RDH13: variants seen among roughly 807,000 people sequenced by gnomAD.
RDH13 encodes retinol dehydrogenase 13 (all-trans and 9-cis).
A neutral mutation model predicts 28.3 loss-of-function variants in RDH13; 35 were observed. The observed-to-expected ratio is 1.24, with a 90% CI of 0.95 to 1.64. The LOEUF (loss-of-function observed/expected upper bound fraction) is 1.64. RDH13 is among the 40% of genes most tolerant of loss of function. The probability of loss-of-function intolerance (pLI) is 0.00; values close to 1 mark genes in which losing one functional copy is unlikely to be tolerated. For missense variants in RDH13, 514 were observed against 446.3 expected, an observed-to-expected ratio of 1.15 and a Z score of -1.37; for synonymous variants, 229 against 198.5, an observed-to-expected ratio of 1.15 and a Z score of -1.29.
intron 1 of RDH13, among the ~76,000 whole-genome samples, chr19:55,068,165 T>C (rs888860423): frequency 3.0e-5 from 4 of 133,844 alleles, no homozygotes. Flanking sequence ...CTTCCTCTTT[T>C]CCTTTGTCTC....
rs529795694 is a variant in RDH13, at chr19:55,061,713, G to GC, written c.65+1254dup. Among the ~76,000 whole-genome samples, 36 of 151,702 alleles carry GC rather than the reference G, an allele frequency of 2.4e-4. No individual in the cohort carries two copies. In the South Asian group the frequency reaches 7.5e-3, roughly 32 times the overall value. Reference sequence around the variant, plus strand: ...AGGCTGAAGTGGGAGGACCACCTGAGCCCAGGGAGGGTGAGGCTGCAGTGA... The same window carrying GC: ...AGGCTGAAGTGGGAGGACCACCTGAGCCCCAGGGAGGGTGAGGCTGCAGTGA... On this transcript the variant is annotated intron_variant, in intron 1 of 6. Coordinates refer to ENST00000415061, the MANE Select transcript of RDH13 (RefSeq NM_001145971.2).
intron 2 of RDH13, among the ~76,000 whole-genome samples, chr19:55,057,135 T>C (rs1684182986): frequency 6.6e-6 from 1 of 152,100 alleles, no homozygotes; most frequent in South Asian, 2.1e-4. Context: ...ACAATCCCAT[T>C]TACATGAATT....
In RDH13 at chr19:55,047,406, G is replaced by A; in HGVS notation, c.741C>T (p.Thr247=). 6.2e-7 allele frequency: 1 copy of A among 1,612,052 alleles called. No homozygotes were observed. Among genetic ancestry groups the A allele is most frequent in the South Asian group, 1.1e-5 (1 of 91,002 alleles). Residue 247 remains threonine (T), a synonymous_variant, in exon 6 of 7, where the codon ACC becomes ACT. Coordinates refer to ENST00000415061, the MANE Select transcript of RDH13 (RefSeq NM_001145971.2). Reference sequence around the variant, plus strand: ...ACTCACCGAGTGTGGTGCTGGAGAAGGTGGAGCCATGGATGCCCGTGTGTC... The same window carrying A: ...ACTCACCGAGTGTGGTGCTGGAGAAAGTGGAGCCATGGATGCCCGTGTGTC... ...LGRHTGIHGS[T]FSSTTLGPIF... is the part of the protein sequence containing the mutation.
chr19:55,047,859 A>G (rs548212595), intron 5 of RDH13: 16 of 475,020 alleles, frequency 3.4e-5, no homozygotes, highest in African/African-American at 7.8e-5. Context: ...AGATTTCTCA[A>G]TCTCAGCACT....
intron 3 of RDH13, among the ~76,000 whole-genome samples, chr19:55,052,037 T>C (rs954830050): frequency 1.7e-4 from 26 of 151,002 alleles, no homozygotes; most frequent in African/African-American, 5.3e-4. Context: ...TGGCCTGTTG[T>C]TTTGTTTATC....
At chr19:55,059,319 C>A in intron 1 of RDH13, 44 bp from the exon 2 acceptor site, 1 of 1,306,820 alleles carries the variant, frequency 7.7e-7, no homozygotes, top group African/African-American at 1.5e-5. Context: ...GGCCCACTCT[C>A]ACCCCACGTG....
At chr19:55,040,145 G>A (rs1002009179), downstream of RDH13, among the ~76,000 whole-genome samples, 19 of 152,158 alleles carry the variant, frequency 1.2e-4, no homozygotes, top group African/African-American at 4.6e-4. Context: ...TATATTTAAT[G>A]CCATTGACTG....
intron 3 of RDH13, among the ~76,000 whole-genome samples, chr19:55,049,266 C>T (rs1046006429): frequency 2.0e-5 from 3 of 152,242 alleles, no homozygotes; most frequent in South Asian, 2.1e-4. Flanking sequence ...TCCTTCCTGC[C>T]GGAGCCCCGA....
In RDH13 at chr19:55,059,190, C is replaced by T. The variant is rs781132193; in HGVS notation, c.151G>A (p.Gly51Arg). Residue 51 changes from glycine to arginine, a missense_variant, in exon 2 of 7, where the codon GGG becomes AGG. Gly to Arg is a moderately radical substitution (Grantham distance 125). Coordinates refer to ENST00000415061, the MANE Select transcript of RDH13 (RefSeq NM_001145971.2). ...VIVTGANTGI[G>R]KQTALELARR... is the part of the protein sequence containing the mutation. ...GCCAGTTCCAAGGCGGTCTGCTTCC[C>T]GATGCCTGTGTTGGCACCCGTCACG... 27 of 1,601,924 alleles carry T rather than the reference C, an allele frequency of 1.7e-5. No homozygotes were observed. The highest frequency in any genetic ancestry group is 9.0e-5 in the East Asian group (4 of 44,348).
chr19:55,060,151 A>C (rs536532969), intron 1 of RDH13, among the ~76,000 whole-genome samples: 7 of 140,726 alleles, frequency 5.0e-5, no homozygotes, highest in Non-Finnish European at 1.1e-4. Context: ...GGATTGGTAA[A>C]AGAGGAAAGC....
At position 55,063,040 on chromosome 19, in the gene RDH13, C is replaced by CGGGGACA; in HGVS notation, c.-15_-9dup. The CGGGGACA allele has an allele frequency of 1.6e-6, 2 of 1,270,922 alleles. No individual in the cohort carries two copies. Among genetic ancestry groups the CGGGGACA allele is most frequent in the Non-Finnish European group, 2.0e-6 (2 of 1,001,032 alleles). 78.7% of individuals were successfully genotyped at this position (1,270,922 alleles called of 1,614,324 possible). ...CAGCAGGTAGCGGCTCATGCCGGGC[C>CGGGGACA]GGGGACAGGCGTCAGGCGTCAGGGG... is the stretch of plus-strand genomic sequence containing the variant. On this transcript the variant is annotated 5_prime_UTR_variant, in exon 1 of 7. Coordinates refer to ENST00000415061, the MANE Select transcript of RDH13 (RefSeq NM_001145971.2).
In RDH13 at chr19:55,052,580, C is replaced by G. The variant is rs564271378; in HGVS notation, c.341-3817G>C. Among the ~76,000 whole-genome samples, 3 of 151,618 alleles carry G rather than the reference C, an allele frequency of 2.0e-5. No individual in the cohort carries two copies. The South Asian group carries it at 6.3e-4, about 32-fold the overall frequency. On this transcript the variant is annotated intron_variant, in intron 3 of 6. Transcript: ENST00000415061. ...AAAAAATCCCTCACTGCAGCCTCAA[C>G]CTCCCAGGCTCAAGCAATCCTCCCA...
intron 2 of RDH13, among the ~76,000 whole-genome samples, chr19:55,058,573 G>A (rs1394356261): frequency 6.6e-6 from 1 of 151,998 alleles, no homozygotes; most frequent in East Asian, 1.9e-4. Flanking sequence ...TTAACTGTAG[G>A]TAGCTCCTGT....
chr19:55,048,330 T>G lies in RDH13; in HGVS notation c.657A>C (p.Gln219His), dbSNP rs1462325621. Residue 219 changes from glutamine (Q) to histidine (H), a missense_variant and splice_region_variant, in exon 5 of 7, where the codon CAA becomes CAC. By Grantham distance (24) the Gln-to-His change is conservative. Coordinates refer to ENST00000415061, the MANE Select transcript of RDH13 (RefSeq NM_001145971.2). ...LFTKELSRRL[Q>H]GSGVTVNALH... ...AGGCCGAGCCTAGCGCCCCCGTACC[T>G]TGCAGCCGCCGGCTCAGCTCCTTGG... 12 of 1,613,976 alleles carry G rather than the reference T, an allele frequency of 7.4e-6. No individual in the cohort carries two copies. The highest frequency in any genetic ancestry group is 1.0e-5 in the Non-Finnish European group (12 of 1,180,040).
chr19:55,047,028 A>C, intron 6 of RDH13: 1 of 747,892 alleles, frequency 1.3e-6, no homozygotes, highest in Non-Finnish European at 1.8e-6. Context: ...TGCACTCTGC[A>C]GATGAAGAAA....
At chr19:55,054,890 T>C (rs10424374) in intron 3 of RDH13, among the ~76,000 whole-genome samples, 24,168 of 151,960 alleles carry the variant, frequency 0.16, 2,302 homozygotes, top group African/African-American at 0.27. Context: ...ATATGTTAAT[T>C]AGCTTGATTT....
chr19:55,045,323 A>C lies in RDH13; in HGVS notation c.761-14T>G, dbSNP rs1179339890. 3 of 1,600,066 alleles carry C rather than the reference A, an allele frequency of 1.9e-6. No homozygotes were observed. The highest frequency in any genetic ancestry group is 1.7e-4 in the Middle Eastern group (1 of 6,024). Reference sequence around the variant, plus strand: ...AGAAGATGGGCCCTGCAATCAGCCCACAGGGCATTTAGTCCACACTCGCTC... The same window carrying C: ...AGAAGATGGGCCCTGCAATCAGCCCCCAGGGCATTTAGTCCACACTCGCTC... On this transcript the variant is annotated splice_polypyrimidine_tract_variant and intron_variant, in intron 6 of 6. Transcript: ENST00000415061.
upstream of RDH13, among the ~76,000 whole-genome samples, chr19:55,066,501 CTCCCTCT>C (rs756413155): frequency 0.012 from 798 of 63,964 alleles, 12 homozygotes; most frequent in African/African-American, 0.047. Context: ...CTCTCTCTCT[CTCCCTCT>C]CTCTCACATC....
chr19:55,059,370 C>T, intron 1 of RDH13, 95 bp from the exon 2 acceptor site: 1 of 728,946 alleles, frequency 1.4e-6, no homozygotes, highest in South Asian at 1.6e-5. Context: ...TCTGAGCTCA[C>T]TCACATACCC....
Sources: allele counts gnomAD v4.1 joint callset (sites outside exome capture counted in the v4.1 genomes callset), GRCh38; gene constraint gnomAD v4.1.1; transcripts MANE v1.5; gene names NCBI Gene and HGNC (gene_info 2026-07-23, HGNC 2026-07-21).